The following CYP4F12 variants were observed in gnomAD, a reference collection of about 807,000 sequenced individuals.
CYP4F12 encodes cytochrome P450 family 4 subfamily F member 12.
CYP4F12 carries 60 observed loss-of-function variants against 56.5 expected under a neutral mutation model. That is an observed-to-expected ratio of 1.06 (90% CI 0.86 to 1.32). The LOEUF (loss-of-function observed/expected upper bound fraction) is 1.32, where lower values mean the gene tolerates loss of function less well. CYP4F12 is among the 40% of genes most tolerant of loss of function. CYP4F12 has a pLI of 0.00. For synonymous variants in CYP4F12, 263 were observed against 264.9 expected (o/e 0.99, Z 0.07); for missense variants, 711 against 683.5 (o/e 1.04, Z -0.45).
rs766136709 is a variant in CYP4F12, at chr19:15,695,972, C to A, written c.1152C>A (p.Cys384Ter). 3.1e-6 allele frequency: 5 copies of A among 1,613,894 alleles called. No individual in the cohort carries two copies. The highest frequency in any genetic ancestry group is 4.2e-6 in the Non-Finnish European group (5 of 1,179,908). ...DLAQLPFLTM[C>*]VKESLRLHPP... Reference sequence around the variant, plus strand: ...CCCAGCTGCCCTTCCTGACCATGTGCGTGAAGGAGAGCCTGAGGTTACATC... The same window carrying A: ...CCCAGCTGCCCTTCCTGACCATGTGAGTGAAGGAGAGCCTGAGGTTACATC... The change falls in exon 10 of 13, where the codon TGC (cysteine) becomes TGA (stop). Residue 384 changes from cysteine (C) to a stop codon, truncating the protein, a stop_gained. Coordinates refer to ENST00000550308, the MANE Select transcript of CYP4F12 (RefSeq NM_023944.4). LOFTEE classifies it high-confidence loss of function.
At position 15,673,575 on chromosome 19, in the gene CYP4F12, A is replaced by AT. The variant is rs769101027; in HGVS notation, c.46_47insT (p.Thr16IlefsTer28). The AT allele has an allele frequency of 1.2e-6, 2 of 1,613,878 alleles. No homozygotes were observed. Among genetic ancestry groups the AT allele is most frequent in the African/African-American group, 2.7e-5 (2 of 74,882 alleles). ...CTGGCTGGGCCTCAGACCGGTGGCA[A>AT]CGTCCCCATGGCTACTCCTGCTGCT... On this transcript the variant is annotated frameshift_variant, in exon 2 of 13. Transcript: ENST00000550308. LOFTEE classifies it high-confidence loss of function.
chr19:15,696,436 G>A lies in CYP4F12; in HGVS notation c.1321G>A (p.Asp441Asn), dbSNP rs1263415539. The stretch of plus-strand genomic sequence containing the variant: ...TTCTTTGTCTCACCTGCAGGTCTAC[G>A]ACCCCTTCCGCTTTGACCCAGAGAA... ...PTVWPDPEVY[D>N]PFRFDPENSK... is the part of the protein sequence containing the mutation. Residue 441 changes from aspartate (D) to asparagine (N), a missense_variant, in exon 12 of 13, where the codon GAC becomes AAC. By Grantham distance (23) the Asp-to-Asn change is conservative. Coordinates refer to ENST00000550308, the MANE Select transcript of CYP4F12 (RefSeq NM_023944.4). 12 of 1,614,098 alleles carry A rather than the reference G, an allele frequency of 7.4e-6. No individual in the cohort carries two copies. Among genetic ancestry groups the A allele is most frequent in the East Asian group, 2.2e-5 (1 of 44,868 alleles).
chr19:15,693,070 T>A (rs2007949928), intron 9 of CYP4F12, among the ~76,000 whole-genome samples: 1 of 152,040 alleles, frequency 6.6e-6, no homozygotes, highest in African/African-American at 2.4e-5. Context: ...AGAGACTCCA[T>A]TCCCTCCCCC....
At position 15,683,767 on chromosome 19, in the gene CYP4F12, G is replaced by C; in HGVS notation, c.918+4G>C. 1 of 1,530,538 alleles carries C rather than the reference G, an allele frequency of 6.5e-7. No individual in the cohort carries two copies. The highest frequency in any genetic ancestry group is 2.2e-5 in the Admixed American group (1 of 46,050). 94.8% of individuals were successfully genotyped at this position (1,530,538 alleles called of 1,614,324 possible). A position where few individuals can be genotyped will look rare whatever the true frequency, so the allele number is the denominator to read the frequency against. ...TGATGTGCTTCTGCTGAGCAAGGTA[G>C]GTTTCTCTATGATCTGAATTTAGGT... On this transcript the variant is annotated splice_donor_region_variant and intron_variant, in intron 7 of 12. Transcript: ENST00000550308.
At chr19:15,683,080 G>A (rs539962146) in intron 6 of CYP4F12, among the ~76,000 whole-genome samples, 1 of 122,300 alleles carries the variant, frequency 8.2e-6, no homozygotes, top group Non-Finnish European at 1.6e-5. Context: ...GAGAGAGAGA[G>A]AGACAGAGAG....
rs893685583 is a variant in CYP4F12, at chr19:15,696,428, A to G, written c.1315-2A>G. ...GGCAAACCTTCTTTGTCTCACCTGC[A>G]GGTCTACGACCCCTTCCGCTTTGAC... On this transcript the variant is annotated splice_acceptor_variant, in intron 11 of 12. Coordinates refer to ENST00000550308, the MANE Select transcript of CYP4F12 (RefSeq NM_023944.4). LOFTEE classifies it high-confidence loss of function. 6.2e-7 allele frequency: 1 copy of G among 1,614,174 alleles called. No homozygotes were observed. The highest frequency in any genetic ancestry group is 2.2e-5 in the East Asian group (1 of 44,868).
rs773781666 is a variant in CYP4F12 at position 15,696,423 on chromosome 19, C to T, written c.1315-7C>T. ...CCACTGGCAAACCTTCTTTGTCTCA[C>T]CTGCAGGTCTACGACCCCTTCCGCT... On this transcript the variant is annotated splice_polypyrimidine_tract_variant and splice_region_variant and intron_variant, in intron 11 of 12. Transcript: ENST00000550308. 6.2e-7 allele frequency: 1 copy of T among 1,614,154 alleles called. No individual in the cohort carries two copies. The highest frequency in any genetic ancestry group is 1.1e-5 in the South Asian group (1 of 91,082).
chr19:15,678,615 A>C, intron 3 of CYP4F12: 2 of 597,028 alleles, frequency 3.3e-6, no homozygotes, highest in East Asian at 3.0e-5. Flanking sequence ...TCTGGAAGGA[A>C]CCCCCATGCT....
chr19:15,685,013 C>A, intron 8 of CYP4F12, 55 bp from the exon 9 acceptor site: 1 of 1,594,944 alleles, frequency 6.3e-7, no homozygotes, highest in South Asian at 1.1e-5. Flanking sequence ...GCCTCAATAT[C>A]TGGGCGCTGT....
intron 9 of CYP4F12, among the ~76,000 whole-genome samples, chr19:15,691,747 G>A (rs987254694): frequency 4.6e-5 from 7 of 150,760 alleles, no homozygotes; most frequent in African/African-American, 7.3e-5. Context: ...CTTTTTTGGG[G>A]GGTGCTTTTG....
At chr19:15,678,615 A>T (rs1474698817) in intron 3 of CYP4F12, 3 of 596,926 alleles carry the variant, frequency 5.0e-6, no homozygotes, top group Non-Finnish European at 8.6e-6. Flanking sequence ...TCTGGAAGGA[A>T]CCCCCATGCT....
rs569019523 is a variant in CYP4F12, at chr19:15,679,879, T to A, written c.344-365T>A. 2.6e-5 allele frequency among the ~76,000 whole-genome samples: 4 copies of A among 152,336 alleles called. No individual in the cohort carries two copies. The South Asian group carries it at 8.3e-4, about 32-fold the overall frequency. ...GGTACACAGAGGTCATGTCAGACTA[T>A]CTCAGGTCCATGTCAGGAGATGACA... On this transcript the variant is annotated intron_variant, in intron 3 of 12. Coordinates refer to ENST00000550308, the MANE Select transcript of CYP4F12 (RefSeq NM_023944.4).
At chr19:15,680,675 C>G (rs879526751) in intron 5 of CYP4F12, 156 bp downstream of exon 5, 2 of 985,880 alleles carry the variant, frequency 2.0e-6, no homozygotes, top group Middle Eastern at 2.1e-4. Context: ...GGATGATAAT[C>G]CCTACTTGAA....
chr19:15,677,580 G>A (rs201797731), intron 2 of CYP4F12, among the ~76,000 whole-genome samples: 335 of 1,814 alleles, frequency 0.18, 88 homozygotes, highest in East Asian at 0.9. Context: ...CTCCTCACTC[G>A]CTCATTCCTC....
In CYP4F12 at chr19:15,673,465, A is replaced by C. The variant is rs116483647; in HGVS notation, c.-1-64A>C. 1.3e-3 allele frequency: 2,042 copies of C among 1,562,350 alleles called. 27 individuals carry two copies. The African/African-American group carries it at 0.023, about 18-fold the overall frequency. On this transcript the variant is annotated intron_variant, in intron 1 of 12. Transcript: ENST00000550308. Reference sequence around the variant, plus strand: ...CAGCAGTTCCTGACTTCGCCCCTATACACTGTCCCCGGAGCTCTTCCCTGG... The same window carrying C: ...CAGCAGTTCCTGACTTCGCCCCTATCCACTGTCCCCGGAGCTCTTCCCTGG...
intron 9 of CYP4F12, among the ~76,000 whole-genome samples, chr19:15,692,439 T>A (rs1185758941): frequency 6.6e-6 from 1 of 152,200 alleles, no homozygotes; most frequent in South Asian, 2.1e-4. Context: ...TTTCATTTGA[T>A]GGTTATTTCT....
At chr19:15,684,628 T>C in intron 7 of CYP4F12, 188 bp from the exon 8 acceptor site, 1 of 547,798 alleles carries the variant, frequency 1.8e-6, no homozygotes, top group Non-Finnish European at 3.1e-6. Context: ...GGGAAGCCCT[T>C]GGAGTTGGGG....
chr19:15,686,510 A>G (rs1360764634), intron 9 of CYP4F12, among the ~76,000 whole-genome samples: 1 of 152,088 alleles, frequency 6.6e-6, no homozygotes, highest in Non-Finnish European at 1.5e-5. Flanking sequence ...AGTGAGGGAG[A>G]GCAAGATAAA....
At chr19:15,680,028 T>A (rs1252126917) in intron 3 of CYP4F12, among the ~76,000 whole-genome samples, 1 of 152,180 alleles carries the variant, frequency 6.6e-6, no homozygotes, top group Admixed American at 6.5e-5. Flanking sequence ...CGTGCTGGGG[T>A]GTGCTATGAC....
Sources: allele counts gnomAD v4.1 joint callset (sites outside exome capture counted in the v4.1 genomes callset), GRCh38; gene constraint gnomAD v4.1.1; transcripts MANE v1.5; gene names NCBI Gene and HGNC (gene_info 2026-07-23, HGNC 2026-07-21).